DPYSL3: variants seen among roughly 807,000 people sequenced by gnomAD.
DPYSL3 encodes dihydropyrimidinase-related protein 3.
DPYSL3 carries 16 observed loss-of-function variants against 66.1 expected under a neutral mutation model. The observed-to-expected ratio is 0.24, with a 90% confidence interval of 0.16 to 0.37. The LOEUF (loss-of-function observed/expected upper bound fraction) is 0.37, where lower values mean the gene tolerates loss of function less well. DPYSL3 is among the 10% of genes least tolerant of loss of function. DPYSL3 has a pLI of 1.00. For missense variants in DPYSL3, 738 were observed against 916.2 expected, an observed-to-expected ratio of 0.81 and a Z score of 2.51; for synonymous variants, 338 against 345.1, an observed-to-expected ratio of 0.98 and a Z score of 0.23.
intron 1 of DPYSL3, among the ~76,000 whole-genome samples, chr5:147,501,073 C>T (rs1013183938): frequency 6.6e-6 from 1 of 151,820 alleles, no homozygotes; most frequent in African/African-American, 2.4e-5. Context: ...GCAACCACGA[C>T]ATCCTTCAGT....
chr5:147,500,441 G>A (rs929906924), intron 1 of DPYSL3, among the ~76,000 whole-genome samples: 1 of 151,678 alleles, frequency 6.6e-6, no homozygotes, highest in Admixed American at 6.6e-5. Context: ...TGGTGAAATC[G>A]CATATCTACT....
intron 2 of DPYSL3, among the ~76,000 whole-genome samples, chr5:147,423,602 C>A (rs1752130043): frequency 6.6e-6 from 1 of 152,134 alleles, no homozygotes; most frequent in Non-Finnish European, 1.5e-5. Context: ...GTGGAATAAA[C>A]AAGATATGTA....
At chr5:147,472,718 C>T (rs1249433161) in intron 1 of DPYSL3, 3 of 152,182 alleles carry the variant, frequency 2.0e-5, no homozygotes, top group African/African-American at 7.2e-5. Flanking sequence ...TGCATGTTTT[C>T]ACTTTTCCAG....
At chr5:147,397,620 G>A (rs755568343) in intron 12 of DPYSL3, 46 bp downstream of exon 12, 2 of 1,578,982 alleles carry the variant, frequency 1.3e-6, no homozygotes, top group Admixed American at 1.7e-5. Context: ...GAGCGTGAGT[G>A]GAACACAAAG....
At chr5:147,449,267 A>T (rs962819601) in intron 1 of DPYSL3, among the ~76,000 whole-genome samples, 1 of 152,222 alleles carries the variant, frequency 6.6e-6, no homozygotes, top group African/African-American at 2.4e-5. Context: ...AATAAATTCC[A>T]GTGGCACCTA....
At chr5:147,394,473 T>C (rs1175854854) in intron 13 of DPYSL3, among the ~76,000 whole-genome samples, 2 of 152,134 alleles carry the variant, frequency 1.3e-5, no homozygotes, top group Non-Finnish European at 2.9e-5. Context: ...ACCACCATGG[T>C]TTGAGAGAGG....
intron 1 of DPYSL3, among the ~76,000 whole-genome samples, chr5:147,488,367 G>A (rs745350642): frequency 6.6e-6 from 1 of 152,150 alleles, no homozygotes. Context: ...CTCTAAAATA[G>A]CGATGAATGG....
Position 147,424,853 on chromosome 5 carries a change from GAGA to G in DPYSL3, c.470+19_470+21del, listed in dbSNP as rs1348469089. The G allele has an allele frequency of 6.4e-7, 1 of 1,550,836 alleles. No homozygotes were observed. The highest frequency in any genetic ancestry group is 8.8e-7 in the Non-Finnish European group (1 of 1,131,134). On this transcript the variant is annotated intron_variant, in intron 2 of 13. Transcript: ENST00000343218. ...GAAGGAGGAAGTGCAAAACAATAAA[GAGA>G]AGAATTCCATATACATACTTTATTA...
At chr5:147,491,621 T>TA (rs544885767) in intron 1 of DPYSL3, among the ~76,000 whole-genome samples, 11 of 151,228 alleles carry the variant, frequency 7.3e-5, no homozygotes, top group Admixed American at 2.6e-4. Context: ...ATGCTAGAGA[T>TA]AAAAAAAATA....
Position 147,509,460 on chromosome 5 carries a change from G to C in DPYSL3, c.381+18C>G. ...AAGGAACGAAGGCAAGGAGGGAAGTGACCCGGGGCCCCCTTACCTTGTCCT... is the reference window on the plus strand; with the variant it reads ...AAGGAACGAAGGCAAGGAGGGAAGTCACCCGGGGCCCCCTTACCTTGTCCT... On this transcript the variant is annotated intron_variant, in intron 1 of 13. Coordinates refer to ENST00000343218, the MANE Select transcript of DPYSL3 (RefSeq NM_001197294.2). The surrounding 1 kb of genome is among the most constrained non-coding windows in gnomAD (Gnocchi z 5.3). The C allele has an allele frequency of 6.7e-7, 1 of 1,488,622 alleles. No individual in the cohort carries two copies. Among genetic ancestry groups the C allele is most frequent in the Non-Finnish European group, 8.9e-7 (1 of 1,123,498 alleles). 92.2% of individuals were successfully genotyped at this position (1,488,622 alleles called of 1,614,324 possible).
intron 2 of DPYSL3, among the ~76,000 whole-genome samples, chr5:147,424,590 T>A (rs575148931): frequency 6.6e-6 from 1 of 152,304 alleles, no homozygotes; most frequent in South Asian, 2.1e-4. Flanking sequence ...TATCCCGACT[T>A]CAACTCCTTT....
Position 147,401,534 on chromosome 5 carries a change from A to G in DPYSL3, c.1310+6T>C, listed in dbSNP as rs763489859. The G allele has an allele frequency of 6.2e-7, 1 of 1,609,956 alleles. No homozygotes were observed. Among genetic ancestry groups the G allele is most frequent in the South Asian group, 1.1e-5 (1 of 90,246 alleles). ...AACGCCTGCTGCTGGGCATTCCTGC[A>G]CCAACCTGGCCAGCAAGGAGTTGAT... On this transcript the variant is annotated splice_donor_region_variant and intron_variant, in intron 9 of 13. Transcript: ENST00000343218.
intron 1 of DPYSL3, among the ~76,000 whole-genome samples, chr5:147,481,669 C>G (rs1009266991): frequency 2.0e-5 from 3 of 152,138 alleles, no homozygotes; most frequent in African/African-American, 7.2e-5. Flanking sequence ...GGGCTCCACC[C>G]TTATGCATGG....
At chr5:147,422,360 G>T (rs1752098162) in intron 2 of DPYSL3, among the ~76,000 whole-genome samples, 1 of 152,208 alleles carries the variant, frequency 6.6e-6, no homozygotes, top group Non-Finnish European at 1.5e-5. Flanking sequence ...AACAGATGCT[G>T]GAAAGGATTT....
At chr5:147,440,582 T>C (rs949386721) in intron 1 of DPYSL3, among the ~76,000 whole-genome samples, 1 of 152,208 alleles carries the variant, frequency 6.6e-6, no homozygotes, top group African/African-American at 2.4e-5. Context: ...TTCTTCATTA[T>C]GTGTAGCTGT....
chr5:147,473,654 T>C (rs1289040548), intron 1 of DPYSL3, among the ~76,000 whole-genome samples: 2 of 152,132 alleles, frequency 1.3e-5, no homozygotes, highest in Non-Finnish European at 2.9e-5. Context: ...GGATGCCTCA[T>C]CTTGTTCTAA....
intron 1 of DPYSL3, chr5:147,453,652 C>T (rs923117377): frequency 1.3e-5 from 20 of 1,501,988 alleles, no homozygotes; most frequent in Non-Finnish European, 1.7e-5. Context: ...TCGCCCGCGC[C>T]TTCCTCAGCG....
chr5:147,441,076 A>C (rs1752523479), intron 1 of DPYSL3, among the ~76,000 whole-genome samples: 1 of 152,150 alleles, frequency 6.6e-6, no homozygotes, highest in African/African-American at 2.4e-5. Context: ...GGCCTGCCAT[A>C]ATTTCTTATA....
chr5:147,432,490 G>T (rs1191102469), intron 1 of DPYSL3, among the ~76,000 whole-genome samples: 2 of 152,300 alleles, frequency 1.3e-5, no homozygotes, highest in Middle Eastern at 6.8e-3. Context: ...ACAGTGGATG[G>T]GGGAATGGAC....
Sources: gnomAD v4.1 joint callset for allele counts (sites outside exome capture counted in the v4.1 genomes callset) on GRCh38, gnomAD v4.1.1 for gene constraint, Gnocchi (gnomAD v3.1) non-coding constraint, MANE v1.5 for transcripts, NCBI Gene and HGNC (gene_info 2026-07-23, HGNC 2026-07-21) for gene names.